Variants in MALRD1 observed in about 807,000 individuals in gnomAD.
The protein encoded by MALRD1 is MAM and LDL-receptor class A domain-containing protein 1.
A neutral mutation model predicts 242.1 loss-of-function variants in MALRD1; 247 were observed. The ratio of observed to expected loss-of-function variants is 1.02; its 90% CI spans 0.92 to 1.13. The LOEUF is 1.13. Ranked by LOEUF, MALRD1 falls within the 50% of genes most tolerant of loss-of-function variation. The probability of loss-of-function intolerance (pLI) is 0.00; values close to 1 mark genes in which losing one functional copy is unlikely to be tolerated. For missense variants in MALRD1, 2,989 were observed against 2,533.1 expected, an observed-to-expected ratio of 1.18 and a Z score of -3.86; for synonymous variants, 995 against 866.6, an observed-to-expected ratio of 1.15 and a Z score of -2.60.
intron 2 of MALRD1, among the ~76,000 whole-genome samples, chr10:19,072,801 G>A (rs1290625921): frequency 1.3e-5 from 2 of 151,972 alleles, no homozygotes; most frequent in South Asian, 2.1e-4. Context: ...TTTTTTTATA[G>A]TAGTCAATCC....
intron 12 of MALRD1, among the ~76,000 whole-genome samples, chr10:19,164,142 T>A (rs546190847): frequency 3.3e-5 from 5 of 152,344 alleles, no homozygotes; most frequent in African/African-American, 9.6e-5. Flanking sequence ...AAGGTGTGAA[T>A]TAAGGTAAGC....
At chr10:19,502,861 A>G (rs1838038627) in intron 31 of MALRD1, among the ~76,000 whole-genome samples, 1 of 152,212 alleles carries the variant, frequency 6.6e-6, no homozygotes, top group Non-Finnish European at 1.5e-5. Flanking sequence ...GAGAAAGTTT[A>G]CATCTGTTGT....
intron 29 of MALRD1, among the ~76,000 whole-genome samples, chr10:19,466,731 T>G (rs1317199507): frequency 6.6e-6 from 1 of 152,166 alleles, no homozygotes; most frequent in Non-Finnish European, 1.5e-5. Context: ...TTGGAGTATT[T>G]GCATTTACAT....
At chr10:19,711,421 G>GAAC (rs1834108083) in intron 38 of MALRD1, 1 of 152,160 alleles carries the variant, frequency 6.6e-6, no homozygotes, top group South Asian at 2.1e-4. Context: ...ATAAATAATA[G>GAAC]TTTATGCTCT....
intron 28 of MALRD1, among the ~76,000 whole-genome samples, chr10:19,437,185 A>G (rs1834383234): frequency 2.0e-5 from 3 of 152,180 alleles, no homozygotes; most frequent in Admixed American, 2.0e-4. Context: ...TGTAGTTAAC[A>G]GATAAATGAT....
intron 13 of MALRD1, among the ~76,000 whole-genome samples, chr10:19,171,694 A>ATG (rs1175881653): frequency 5.4e-5 from 7 of 130,722 alleles, no homozygotes; most frequent in Non-Finnish European, 8.4e-5. Context: ...ATATGTGTGT[A>ATG]TGTGTGTGTA....
rs116461649 is a variant in MALRD1, at chr10:19,483,410, C to G, written c.5030-8107C>G. Among the ~76,000 whole-genome samples, 597 of 152,068 alleles carry G rather than the reference C, an allele frequency of 3.9e-3. 5 individuals are homozygous for G. The highest frequency in any genetic ancestry group is 0.014 in the African/African-American group (578 of 41,510). ...GAAAACATTCATACTGTGCATGCAA[C>G]AAAGGTCTAATATTCAGAATCTATA... On this transcript the variant is annotated intron_variant, in intron 29 of 39. Transcript: ENST00000454679.
intron 18 of MALRD1, among the ~76,000 whole-genome samples, chr10:19,224,040 T>G (rs1222662986): frequency 6.6e-6 from 1 of 152,166 alleles, no homozygotes; most frequent in Non-Finnish European, 1.5e-5. Context: ...GTAGAATGAT[T>G]TATAATCCTT....
chr10:19,269,343 G>C (rs72796438), intron 19 of MALRD1, among the ~76,000 whole-genome samples: 2 of 152,142 alleles, frequency 1.3e-5, no homozygotes, highest in Admixed American at 1.3e-4. Context: ...GAGCTCTCAC[G>C]CGCTCTCTCG....
chr10:19,282,887 G>A (rs1840886108), intron 20 of MALRD1, 132 bp from the exon 21 acceptor site: 2 of 602,060 alleles, frequency 3.3e-6, no homozygotes, highest in Non-Finnish European at 5.0e-6. Flanking sequence ...CAAACCATTT[G>A]CCTAATTATT....
chr10:19,099,097 G>A (rs1477507471), intron 4 of MALRD1, among the ~76,000 whole-genome samples: 3 of 152,262 alleles, frequency 2.0e-5, no homozygotes, highest in Middle Eastern at 3.4e-3. Flanking sequence ...GTAATAAAAG[G>A]GAAGACGGAG....
At chr10:19,394,144 G>C (rs1846470290) in intron 28 of MALRD1, among the ~76,000 whole-genome samples, 1 of 152,160 alleles carries the variant, frequency 6.6e-6, no homozygotes, top group South Asian at 2.1e-4. Flanking sequence ...TTTCAGGAGA[G>C]CCCTCCTGAT....
rs187225907 is a variant in MALRD1, at chr10:19,516,542, G to T, written c.5321-14652G>T. Among the ~76,000 whole-genome samples, 323 of 152,160 alleles carry T rather than the reference G, an allele frequency of 2.1e-3. 1 individual carries two copies. Among genetic ancestry groups the T allele is most frequent in the African/African-American group, 7.3e-3 (305 of 41,514 alleles). On this transcript the variant is annotated intron_variant, in intron 31 of 39. Coordinates refer to ENST00000454679, the MANE Select transcript of MALRD1 (RefSeq NM_001142308.3). ...GTGGAACAAGATTGCTTTCCTAGAT[G>T]ACTAAATATTCTACTAATATTTGTG...
intron 29 of MALRD1, among the ~76,000 whole-genome samples, chr10:19,478,864 C>T (rs1836860415): frequency 6.6e-6 from 1 of 152,210 alleles, no homozygotes; most frequent in African/African-American, 2.4e-5. Flanking sequence ...TATTTATCCT[C>T]TGAATGATTT....
At chr10:19,432,750 A>G (rs935065255) in intron 28 of MALRD1, among the ~76,000 whole-genome samples, 1 of 152,204 alleles carries the variant, frequency 6.6e-6, no homozygotes, top group Non-Finnish European at 1.5e-5. Flanking sequence ...GCTTCTCCAA[A>G]GTGATATTTG....
At chr10:19,534,477 A>T (rs1289275446) in intron 32 of MALRD1, among the ~76,000 whole-genome samples, 1 of 151,916 alleles carries the variant, frequency 6.6e-6, no homozygotes, top group African/African-American at 2.4e-5. Flanking sequence ...CTGCAGGACC[A>T]CTCCTTATAA....
intron 26 of MALRD1, among the ~76,000 whole-genome samples, chr10:19,355,306 A>G (rs141542237): frequency 5.3e-4 from 81 of 152,244 alleles, no homozygotes; most frequent in African/African-American, 1.9e-3. Flanking sequence ...TTTTTTCTCA[A>G]AATGAACCTA....
chr10:19,065,309 A>AAAAAT (rs869106143), intron 1 of MALRD1, among the ~76,000 whole-genome samples: 4 of 147,488 alleles, frequency 2.7e-5, no homozygotes, highest in Admixed American at 1.3e-4. Flanking sequence ...AAAAAAAAAA[A>AAAAAT]GGAAGAAAGA....
chr10:19,719,953 A>G (rs1032899594), intron 38 of MALRD1, among the ~76,000 whole-genome samples: 2 of 152,120 alleles, frequency 1.3e-5, no homozygotes, highest in African/African-American at 4.8e-5. Context: ...GTCAGATAAC[A>G]TGGTATTTTA....
Sources: allele counts gnomAD v4.1 joint callset (sites outside exome capture counted in the v4.1 genomes callset), GRCh38; gene constraint gnomAD v4.1.1; transcripts MANE v1.5; gene names NCBI Gene and HGNC (gene_info 2026-07-23, HGNC 2026-07-21).